Variants in CHCHD3 observed in about 807,000 individuals in gnomAD.
The protein encoded by CHCHD3 is coiled-coil-helix-coiled-coil-helix domain containing 3.
Under a neutral mutation model 38.2 loss-of-function variants are expected in CHCHD3, and 20 were observed. The observed-to-expected ratio is 0.52, with a 90% confidence interval of 0.37 to 0.76. The LOEUF (loss-of-function observed/expected upper bound fraction) is 0.76, where lower values mean the gene tolerates loss of function less well. Ranked by LOEUF, CHCHD3 falls within the 30% of genes least tolerant of loss-of-function variation. CHCHD3 has a pLI of 0.00. For synonymous variants in CHCHD3, 82 were observed against 100.0 expected (o/e 0.82, Z 1.07); for missense variants, 245 against 279.2 (o/e 0.88, Z 0.87).
At chr7:132,876,503 G>A (rs781539899) in intron 5 of CHCHD3, among the ~76,000 whole-genome samples, 5 of 151,992 alleles carry the variant, frequency 3.3e-5, no homozygotes, top group Non-Finnish European at 5.9e-5. Context: ...AAACCATCAG[G>A]GTAAACAGAA....
intron 4 of CHCHD3, 55 bp from the exon 5 acceptor site, chr7:132,885,800 C>A (rs756576483): frequency 3.5e-5 from 45 of 1,289,092 alleles, no homozygotes; most frequent in Non-Finnish European, 4.8e-5. Flanking sequence ...AACAGCAAAG[C>A]AAAAGTCAAG....
chr7:132,907,673 G>T (rs543825726), intron 4 of CHCHD3, among the ~76,000 whole-genome samples: 6 of 152,108 alleles, frequency 3.9e-5, no homozygotes, highest in East Asian at 1.9e-4. Flanking sequence ...GCCATGGGGG[G>T]GCCGCTAAAG....
chr7:133,037,992 A>G (rs1813726518), intron 2 of CHCHD3, among the ~76,000 whole-genome samples: 1 of 152,208 alleles, frequency 6.6e-6, no homozygotes, highest in Non-Finnish European at 1.5e-5. Flanking sequence ...ATGCATAATG[A>G]GGCATAATTT....
At chr7:132,878,618 T>TA (rs747574199) in intron 5 of CHCHD3, among the ~76,000 whole-genome samples, 31 of 152,342 alleles carry the variant, frequency 2.0e-4, no homozygotes, top group Non-Finnish European at 4.4e-4. Context: ...CTCTCCCTTT[T>TA]AATTCTGTGA....
At chr7:132,984,851 T>C in intron 3 of CHCHD3, among the ~76,000 whole-genome samples, 1 of 107,782 alleles carries the variant, frequency 9.3e-6, no homozygotes, top group East Asian at 3.1e-4. Context: ...GGGAGGGAGG[T>C]GGGGGTCAGC....
chr7:132,986,552 C>T (rs527499075), intron 3 of CHCHD3, among the ~76,000 whole-genome samples: 16 of 151,892 alleles, frequency 1.1e-4, no homozygotes, highest in Admixed American at 9.2e-4. Flanking sequence ...AGATTAAAGG[C>T]GAATTTAATA....
chr7:133,026,479 G>A (rs961006809), intron 2 of CHCHD3, among the ~76,000 whole-genome samples: 1 of 152,158 alleles, frequency 6.6e-6, no homozygotes, highest in Non-Finnish European at 1.5e-5. Flanking sequence ...TTCTCAAAAT[G>A]CTAAAGAGTT....
chr7:132,817,986 C>T (rs2117062509), intron 6 of CHCHD3, among the ~76,000 whole-genome samples: 1 of 152,170 alleles, frequency 6.6e-6, no homozygotes, highest in East Asian at 1.9e-4. Flanking sequence ...GCAAGTGAGT[C>T]ACCCATTCCT....
At chr7:133,077,929 G>A (rs1815051579) in intron 1 of CHCHD3, among the ~76,000 whole-genome samples, 1 of 152,128 alleles carries the variant, frequency 6.6e-6, no homozygotes, top group African/African-American at 2.4e-5. Flanking sequence ...ACACCTGGTA[G>A]GTGAGAAGAA....
At chr7:133,023,808 A>G (rs1389097154) in intron 3 of CHCHD3, among the ~76,000 whole-genome samples, 1 of 152,200 alleles carries the variant, frequency 6.6e-6, no homozygotes, top group Non-Finnish European at 1.5e-5. Context: ...ATCAGCACAC[A>G]GGGCTATAAC....
chr7:132,944,893 C>G (rs1332456919), intron 4 of CHCHD3, among the ~76,000 whole-genome samples: 1 of 151,908 alleles, frequency 6.6e-6, no homozygotes, highest in Non-Finnish European at 1.5e-5. Flanking sequence ...AAAATGAAAG[C>G]CTACTCTAAA....
At chr7:132,832,246 G>A (rs1807668803) in intron 6 of CHCHD3, among the ~76,000 whole-genome samples, 1 of 152,064 alleles carries the variant, frequency 6.6e-6, no homozygotes, top group South Asian at 2.1e-4. Flanking sequence ...ACTTTATAAG[G>A]ATAACCTAAG....
At chr7:133,003,385 G>A (rs1257702691) in intron 3 of CHCHD3, among the ~76,000 whole-genome samples, 1 of 152,060 alleles carries the variant, frequency 6.6e-6, no homozygotes, top group African/African-American at 2.4e-5. Context: ...CTGGGTTTGG[G>A]GTCAATCCCA....
At chr7:132,796,203 G>A (rs901581669) in intron 7 of CHCHD3, among the ~76,000 whole-genome samples, 2 of 152,198 alleles carry the variant, frequency 1.3e-5, no homozygotes, top group Non-Finnish European at 2.9e-5. Flanking sequence ...AAGTATAATT[G>A]TAGTAGAATC....
At chr7:132,817,590 G>C (rs1002789209) in intron 6 of CHCHD3, among the ~76,000 whole-genome samples, 6 of 152,084 alleles carry the variant, frequency 3.9e-5, no homozygotes, top group African/African-American at 1.4e-4. Context: ...GTTCATGGGG[G>C]AGACTGTGCA....
At chr7:132,809,446 G>A (rs185960675) in intron 6 of CHCHD3, among the ~76,000 whole-genome samples, 17 of 152,112 alleles carry the variant, frequency 1.1e-4, no homozygotes, top group Admixed American at 5.2e-4. Flanking sequence ...TCATCTACAC[G>A]AATTCTAGTG....
At chr7:132,894,254 A>C (rs1365284375) in intron 4 of CHCHD3, among the ~76,000 whole-genome samples, 4 of 152,180 alleles carry the variant, frequency 2.6e-5, no homozygotes, top group African/African-American at 9.6e-5. Flanking sequence ...ATTGTAAACT[A>C]TACATTTACT....
intron 3 of CHCHD3, among the ~76,000 whole-genome samples, chr7:132,989,560 C>T (rs1190904934): frequency 1.3e-5 from 2 of 152,220 alleles, no homozygotes; most frequent in East Asian, 1.9e-4. Context: ...TTTCAGTTCT[C>T]ATTTGGGAAC....
rs772478705 is a variant in CHCHD3 at position 132,847,016 on chromosome 7, A to G, written c.454-8547T>C. 3.0e-4 allele frequency among the ~76,000 whole-genome samples: 45 copies of G among 152,208 alleles called. 1 individual carries two copies. Among genetic ancestry groups the G allele is most frequent in the Non-Finnish European group, 3.8e-4 (26 of 68,040 alleles). Reference sequence around the variant, plus strand: ...TGGGAAACTCAGGGCTGATATAACTATGCAAGTGTATCAACAAATAACTAG... The same window carrying G: ...TGGGAAACTCAGGGCTGATATAACTGTGCAAGTGTATCAACAAATAACTAG... On this transcript the variant is annotated intron_variant, in intron 5 of 7. Transcript: ENST00000262570.
Sources: gnomAD v4.1 joint callset for allele counts (sites outside exome capture counted in the v4.1 genomes callset) on GRCh38, gnomAD v4.1.1 for gene constraint, MANE v1.5 for transcripts, NCBI Gene and HGNC (gene_info 2026-07-23, HGNC 2026-07-21) for gene names.